The following PPP6R2 variants were observed in gnomAD, a reference collection of about 807,000 sequenced individuals.
The protein encoded by PPP6R2 is serine/threonine-protein phosphatase 6 regulatory subunit 2.
Under a neutral mutation model 100.2 loss-of-function variants are expected in PPP6R2, and 62 were observed. The ratio of observed to expected loss-of-function variants is 0.62; its 90% CI spans 0.50 to 0.76. PPP6R2 has a LOEUF of 0.76. Among genes scored for constraint, PPP6R2 ranks in the 30% least tolerant of loss-of-function variants. The pLI, the probability that PPP6R2 is intolerant of heterozygous loss-of-function variation, is 0.00. For synonymous variants in PPP6R2, 525 were observed against 514.7 expected, an observed-to-expected ratio of 1.02 and a Z score of -0.27; for missense variants, 1,142 against 1,276.3, an observed-to-expected ratio of 0.89 and a Z score of 1.60.
chr22:50,437,478 C>T (rs373241156), intron 15 of PPP6R2, 28 bp from the exon 16 acceptor site: 14 of 781,830 alleles, frequency 1.8e-5, no homozygotes, highest in South Asian at 5.4e-5. Flanking sequence ...GGTGTCTGTC[C>T]GTCCCTCCCT....
chr22:50,443,615 C>CTTGA (rs1307143000), intron 22 of PPP6R2: 1 of 563,262 alleles, frequency 1.8e-6, no homozygotes, highest in African/African-American at 1.9e-5. Context: ...TGAGCAGGAT[C>CTTGA]TGAGTGCTGC....
intron 3 of PPP6R2, among the ~76,000 whole-genome samples, chr22:50,402,326 TTC>T (rs2058179526): frequency 1.6e-5 from 2 of 129,018 alleles, no homozygotes; most frequent in East Asian, 2.2e-4. Flanking sequence ...GCACCCCAGT[TTC>T]TTTTTTTTTT....
rs765174979 is a variant in PPP6R2 at position 50,444,039 on chromosome 22, C to T, written c.2753C>T (p.Ala918Val). Residue 918 changes from alanine to valine, a missense_variant, in exon 23 of 24, where the codon GCG becomes GTG. Transcript: ENST00000612753. ...GCAGTCTCTTCTGCACTGGCCGTGG[C>T]GGTCCCCCTAGGGCCCATCATGGCA... is the stretch of plus-strand genomic sequence containing the variant. ...TPAVSSALAV[A>V]VPLGPIMAVT... The T allele has an allele frequency of 2.7e-5, 44 of 1,613,056 alleles. No individual in the cohort carries two copies. Among genetic ancestry groups the T allele is most frequent in the Admixed American group, 1.0e-4 (6 of 59,998 alleles).
intron 3 of PPP6R2, among the ~76,000 whole-genome samples, chr22:50,399,214 A>G (rs1392618631): frequency 6.6e-6 from 1 of 152,248 alleles, no homozygotes; most frequent in Non-Finnish European, 1.5e-5. Flanking sequence ...AAATAAAAAA[A>G]GATGGAGAAG....
intron 1 of PPP6R2, among the ~76,000 whole-genome samples, chr22:50,352,662 T>C (rs2045562665): frequency 6.7e-6 from 1 of 149,752 alleles, no homozygotes; most frequent in South Asian, 2.1e-4. Flanking sequence ...GAGGTGGAAG[T>C]TGCAGTGAGC....
At chr22:50,383,151 A>T (rs563026004) in intron 2 of PPP6R2, among the ~76,000 whole-genome samples, 1 of 152,132 alleles carries the variant, frequency 6.6e-6, no homozygotes, top group South Asian at 2.1e-4. Context: ...TTTAGAAATG[A>T]TATGAAAATG....
At position 50,384,631 on chromosome 22, in the gene PPP6R2, TG is replaced by T. The variant is rs559517595; in HGVS notation, c.-16-9257del. On this transcript the variant is annotated intron_variant, in intron 2 of 23. Coordinates refer to ENST00000612753, the MANE Select transcript of PPP6R2 (RefSeq NM_001242898.2). ...GTTCAAGGTTGAGAGGCATATCTGGTGGGGGCCTTCTTGCTGCTGGGGACAC... is the reference window on the plus strand; with the variant it reads ...GTTCAAGGTTGAGAGGCATATCTGGTGGGGCCTTCTTGCTGCTGGGGACAC... Among the ~76,000 whole-genome samples the T allele has an allele frequency of 1.4e-3, 207 of 152,346 alleles. 1 individual carries two copies. Among genetic ancestry groups the T allele is most frequent in the African/African-American group, 4.8e-3 (198 of 41,588 alleles).
At chr22:50,374,654 G>A (rs1206520715) in intron 2 of PPP6R2, among the ~76,000 whole-genome samples, 2 of 152,098 alleles carry the variant, frequency 1.3e-5, no homozygotes, top group Non-Finnish European at 2.9e-5. Flanking sequence ...AGTAGTTCAC[G>A]CCTGTAATCC....
Position 50,438,821 on chromosome 22 carries a change from G to A in PPP6R2, c.2128+59G>A, listed in dbSNP as rs184097518. 3.3e-4 allele frequency: 492 copies of A among 1,481,920 alleles called. 1 individual carries two copies. The African/African-American group carries it at 5.6e-3, about 17-fold the overall frequency. The allele number at this position is 1,481,920 out of a possible 1,614,324, so 91.8% of individuals were successfully genotyped here. ...TATCGGGGACAGGACATGGTACCCC[G>A]GCCTGGGTGTTGTGGAGGCTTCATT... On this transcript the variant is annotated intron_variant, in intron 19 of 23. Coordinates refer to ENST00000612753, the MANE Select transcript of PPP6R2 (RefSeq NM_001242898.2).
intron 6 of PPP6R2, among the ~76,000 whole-genome samples, chr22:50,418,490 A>G (rs1388609878): frequency 6.6e-6 from 1 of 151,698 alleles, no homozygotes; most frequent in Non-Finnish European, 1.5e-5. Context: ...GGTTCAAGCC[A>G]TTCTCCTGCC....
chr22:50,431,111 T>C lies in PPP6R2; in HGVS notation c.1126-62T>C. Reference sequence around the variant, plus strand: ...CTTTAGGAAGGGTTTCCCTCAGCTTTGTGGTGTAGCCGGCAGGAGAAAACC... The same window carrying C: ...CTTTAGGAAGGGTTTCCCTCAGCTTCGTGGTGTAGCCGGCAGGAGAAAACC... On this transcript the variant is annotated intron_variant, in intron 10 of 23. Coordinates refer to ENST00000612753, the MANE Select transcript of PPP6R2 (RefSeq NM_001242898.2). The surrounding 1 kb of genome is among the most constrained non-coding windows in gnomAD (Gnocchi z 4.8). 2 of 1,370,906 alleles carry C rather than the reference T, an allele frequency of 1.5e-6. No individual in the cohort carries two copies. Among genetic ancestry groups the C allele is most frequent in the Non-Finnish European group, 1.0e-6 (1 of 973,260 alleles). The allele number at this position is 1,370,906 out of a possible 1,614,324, so 84.9% of individuals were successfully genotyped here.
intron 1 of PPP6R2, among the ~76,000 whole-genome samples, chr22:50,351,868 A>G (rs899879921): frequency 1.3e-5 from 2 of 151,720 alleles, no homozygotes; most frequent in Non-Finnish European, 2.9e-5. Flanking sequence ...ATCTCGGCTC[A>G]CTGCAAGCTC....
At chr22:50,346,813 C>T (rs2147968457) in intron 1 of PPP6R2, among the ~76,000 whole-genome samples, 1 of 145,916 alleles carries the variant, frequency 6.9e-6, no homozygotes, top group African/African-American at 2.5e-5. Context: ...TCCCTGTCCC[C>T]CGTCAGCCAG....
At chr22:50,421,033 GAA>G (rs1281256734) in intron 8 of PPP6R2, among the ~76,000 whole-genome samples, 3 of 152,176 alleles carry the variant, frequency 2.0e-5, no homozygotes, top group Non-Finnish European at 4.4e-5. Flanking sequence ...GGAACAATGA[GAA>G]AATGATAAGA....
intron 2 of PPP6R2, among the ~76,000 whole-genome samples, chr22:50,378,784 G>A (rs1286026689): frequency 2.6e-5 from 4 of 151,930 alleles, no homozygotes. Flanking sequence ...GGTGGCTGAG[G>A]CAGGAGGATC....
chr22:50,369,760 C>A (rs1469712106), intron 1 of PPP6R2, among the ~76,000 whole-genome samples: 1 of 152,104 alleles, frequency 6.6e-6, no homozygotes, highest in African/African-American at 2.4e-5. Flanking sequence ...CCCACCTCGG[C>A]CTCCCAAAGT....
At chr22:50,415,111 T>G (rs935040439) in intron 5 of PPP6R2, among the ~76,000 whole-genome samples, 1 of 152,244 alleles carries the variant, frequency 6.6e-6, no homozygotes, top group African/African-American at 2.4e-5. Context: ...TTGTTTACCC[T>G]GGAGTGTGGA....
At chr22:50,429,106 C>T (rs1188250327) in intron 10 of PPP6R2, among the ~76,000 whole-genome samples, 5 of 151,996 alleles carry the variant, frequency 3.3e-5, no homozygotes, top group South Asian at 2.1e-4. Context: ...TCTTGGCTCA[C>T]GGCAACCGCC....
intron 1 of PPP6R2, among the ~76,000 whole-genome samples, chr22:50,346,615 G>T (rs1162119407): frequency 7.5e-6 from 1 of 133,006 alleles, no homozygotes; most frequent in Non-Finnish European, 1.6e-5. Context: ...TCACCCATCA[G>T]TCCCCACCCC....
Sources: gnomAD v4.1 joint callset for allele counts (sites outside exome capture counted in the v4.1 genomes callset) on GRCh38, gnomAD v4.1.1 for gene constraint, Gnocchi (gnomAD v3.1) non-coding constraint, MANE v1.5 for transcripts, NCBI Gene and HGNC (gene_info 2026-07-23, HGNC 2026-07-21) for gene names.